The following MPRIP variants were observed in gnomAD, a reference collection of about 807,000 sequenced individuals.
The protein encoded by MPRIP is myosin phosphatase Rho interacting protein, also known as myosin phosphatase Rho-interacting protein.
In MPRIP, 59 loss-of-function variants were observed where a neutral mutation model predicts 234.9. The observed-to-expected ratio is 0.25, with a 90% CI of 0.20 to 0.31. The LOEUF is 0.31. MPRIP is among the 10% of genes least tolerant of loss of function. MPRIP has a pLI of 1.00. For synonymous variants in MPRIP, 1,144 were observed against 1,263.9 expected (o/e 0.91, Z 2.01); for missense variants, 2,436 against 3,071.0 (o/e 0.79, Z 4.89).
At chr17:17,111,590 C>A (rs2090172569) in intron 3 of MPRIP, among the ~76,000 whole-genome samples, 1 of 152,206 alleles carries the variant, frequency 6.6e-6, no homozygotes, top group Admixed American at 6.5e-5. Flanking sequence ...AGAGACCATG[C>A]TGGGGAACAG....
chr17:17,165,011 T>A lies in MPRIP; in HGVS notation c.3420T>A (p.Ala1140=). The A allele has an allele frequency of 7.7e-7, 1 of 1,301,770 alleles. No individual in the cohort carries two copies. The highest frequency in any genetic ancestry group is 1.0e-6 in the Non-Finnish European group (1 of 988,784). 80.6% of individuals were successfully genotyped at this position (1,301,770 alleles called of 1,614,324 possible). A position where few individuals can be genotyped will look rare whatever the true frequency, so the allele number is the denominator to read the frequency against. The change falls in exon 16 of 24, where the codon GCT becomes GCA. Residue 1140 remains alanine, a synonymous_variant. Coordinates refer to ENST00000651222, the MANE Select transcript of MPRIP (RefSeq NM_001364716.4). ...ELREKLRRRE[A]DNQSLEHSYQ... ...GGGAAAAGCTGAGGAGAAGAGAGGC[T>A]GACAACCAGAGCCTGGAGCACTCCT...
At chr17:17,149,697 T>TTTTTTTTAC (rs1449623888) in intron 11 of MPRIP, 15 of 147,318 alleles carry the variant, frequency 1.0e-4, no homozygotes, top group Admixed American at 8.9e-4. Context: ...ACATTTATAT[T>TTTTTTTTAC]AATATATATT....
At chr17:17,176,982 G>A (rs2046268605) in intron 21 of MPRIP, among the ~76,000 whole-genome samples, 1 of 152,206 alleles carries the variant, frequency 6.6e-6, no homozygotes, top group African/African-American at 2.4e-5. Flanking sequence ...GCCACACCAG[G>A]CTGGTCGGGC....
In MPRIP at chr17:17,188,550, A is replaced by G. The variant is rs1319959673; in HGVS notation, c.*3656A>G. 3.9e-5 allele frequency: 6 copies of G among 152,278 alleles called. No homozygotes were observed. Among genetic ancestry groups the G allele is most frequent in the African/African-American group, 1.2e-4 (5 of 41,476 alleles). 9.4% of individuals were successfully genotyped at this position (152,278 alleles called of 1,614,324 possible). ...GGCTGTTTAAAGAACACAGTTGTGA[A>G]TCTCAGAATGTGCCTGAAAGGAATA... On this transcript the variant is annotated 3_prime_UTR_variant, in exon 24 of 24. Coordinates refer to ENST00000651222, the MANE Select transcript of MPRIP (RefSeq NM_001364716.4).
rs767454331 is a variant in MPRIP, at chr17:17,075,719, A to G, written c.133A>G (p.Ile45Val). ...NDEDLTQAKPIYGGWLLLAPD... is the reference protein window; with the variant it reads ...NDEDLTQAKPVYGGWLLLAPD... ...CTTTTTTCTCCTCTAGGCAAAACCCATTTATGGCGGTTGGCTGCTCCTGGC... is the reference window on the plus strand; with the variant it reads ...CTTTTTTCTCCTCTAGGCAAAACCCGTTTATGGCGGTTGGCTGCTCCTGGC... The change falls in exon 2 of 24, where the codon ATT (isoleucine) becomes GTT (valine). Residue 45 changes from isoleucine to valine, a missense_variant. Physicochemically the swap from Ile to Val is conservative, Grantham distance 29 (BLOSUM62 3). Transcript: ENST00000651222. 3 of 1,613,880 alleles carry G rather than the reference A, an allele frequency of 1.9e-6. No homozygotes were observed. The South Asian group carries it at 3.3e-5, about 18-fold the overall frequency.
chr17:17,111,675 G>A (rs1377334335), intron 3 of MPRIP, among the ~76,000 whole-genome samples: 1 of 152,198 alleles, frequency 6.6e-6, no homozygotes, highest in African/African-American at 2.4e-5. Flanking sequence ...TCTTCTGCCT[G>A]TTAAACCGAG....
At chr17:17,073,721 G>A (rs987177603) in intron 1 of MPRIP, among the ~76,000 whole-genome samples, 6 of 152,182 alleles carry the variant, frequency 3.9e-5, no homozygotes, top group African/African-American at 1.4e-4. Flanking sequence ...ACTCCTGGGT[G>A]GGGTGTGGAG....
intron 1 of MPRIP, among the ~76,000 whole-genome samples, chr17:17,055,056 A>G (rs2088652441): frequency 6.6e-6 from 1 of 152,046 alleles, no homozygotes. Context: ...TATCAAAAAA[A>G]AAAAAAAATT....
chr17:17,089,429 C>T (rs1353357962), intron 3 of MPRIP, among the ~76,000 whole-genome samples: 1 of 152,234 alleles, frequency 6.6e-6, no homozygotes, highest in Non-Finnish European at 1.5e-5. Context: ...ACATTTTCCT[C>T]TGCCTCCCTC....
chr17:17,156,842 A>G (rs1187417586), intron 13 of MPRIP, among the ~76,000 whole-genome samples: 1 of 152,192 alleles, frequency 6.6e-6, no homozygotes, highest in African/African-American at 2.4e-5. Flanking sequence ...ACACCTGCAG[A>G]TCCTGTTGCT....
Position 17,111,145 on chromosome 17 carries a change from T to TA in MPRIP, c.268-15546dup, listed in dbSNP as rs373551165. Among the ~76,000 whole-genome samples the TA allele has an allele frequency of 3.2e-3, 303 of 96,162 alleles. 3 individuals carry two copies. The highest frequency in any genetic ancestry group is 0.011 in the African/African-American group (243 of 23,038). The allele number at this position is 96,162 out of a possible 152,430, so 63.1% of individuals were successfully genotyped here. A position where few individuals can be genotyped will look rare whatever the true frequency, so the allele number is the denominator to read the frequency against. On this transcript the variant is annotated intron_variant, in intron 3 of 23. Coordinates refer to ENST00000651222, the MANE Select transcript of MPRIP (RefSeq NM_001364716.4). ...AAATTAAAAGGTTATTTTAAAAGTT[T>TA]AAAAAAAAAAACCAAAAAAAAAAGA...
rs192251360 is a variant in MPRIP, at chr17:17,043,148, G to A, written c.123+177G>A. Among the ~76,000 whole-genome samples, 6 of 152,316 alleles carry A rather than the reference G, an allele frequency of 3.9e-5. No homozygotes were observed. In the East Asian group the frequency reaches 1.2e-3, roughly 29 times the overall value. Reference sequence around the variant, plus strand: ...GAGCTGGGACAAAGGGAAAATCCTCGAGTATGCCGAAAAATAACATCCTTT... The same window carrying A: ...GAGCTGGGACAAAGGGAAAATCCTCAAGTATGCCGAAAAATAACATCCTTT... On this transcript the variant is annotated intron_variant, in intron 1 of 23. Coordinates refer to ENST00000651222, the MANE Select transcript of MPRIP (RefSeq NM_001364716.4).
intron 3 of MPRIP, among the ~76,000 whole-genome samples, chr17:17,116,172 A>G (rs1050031523): frequency 6.6e-6 from 1 of 152,224 alleles, no homozygotes; most frequent in Non-Finnish European, 1.5e-5. Context: ...TGTATAGAGT[A>G]AATACAAGGA....
chr17:17,125,153 A>G (rs1035754131), intron 3 of MPRIP, among the ~76,000 whole-genome samples: 3 of 152,210 alleles, frequency 2.0e-5, no homozygotes, highest in African/African-American at 7.2e-5. Flanking sequence ...GAGTGTCTGG[A>G]AGAGACACCT....
At chr17:17,108,546 G>A (rs2090107162) in intron 3 of MPRIP, among the ~76,000 whole-genome samples, 1 of 152,204 alleles carries the variant, frequency 6.6e-6, no homozygotes, top group Non-Finnish European at 1.5e-5. Flanking sequence ...AATCTTCCCA[G>A]GTGATTACAT....
chr17:17,108,577 C>A lies in MPRIP; in HGVS notation c.268-18125C>A, dbSNP rs78770259. Among the ~76,000 whole-genome samples the A allele has an allele frequency of 1.8e-3, 277 of 152,344 alleles. 1 individual carries two copies. Among genetic ancestry groups the A allele is most frequent in the Non-Finnish European group, 3.4e-3 (234 of 68,044 alleles). On this transcript the variant is annotated intron_variant, in intron 3 of 23. Coordinates refer to ENST00000651222, the MANE Select transcript of MPRIP (RefSeq NM_001364716.4). ...TACATTATTCAGCAAAAGTTTGGAACCATTGCTTTAAGCTCTAAAACCTTC... is the reference window on the plus strand; with the variant it reads ...TACATTATTCAGCAAAAGTTTGGAAACATTGCTTTAAGCTCTAAAACCTTC...
chr17:17,106,816 G>A (rs1165934682), intron 3 of MPRIP, among the ~76,000 whole-genome samples: 2 of 152,170 alleles, frequency 1.3e-5, no homozygotes, highest in Non-Finnish European at 2.9e-5. Flanking sequence ...AGAAGGATAG[G>A]TCTTCAAACA....
intron 13 of MPRIP, among the ~76,000 whole-genome samples, chr17:17,155,229 A>G (rs1377385478): frequency 1.3e-5 from 2 of 150,132 alleles, no homozygotes; most frequent in Non-Finnish European, 1.5e-5. Flanking sequence ...GGGGCTGTCC[A>G]TGGAAGCTTT....
At position 17,164,459 on chromosome 17, in the gene MPRIP, G is replaced by A. The variant is rs895373881; in HGVS notation, c.2868G>A (p.Glu956=). 3.1e-5 allele frequency: 39 copies of A among 1,239,946 alleles called. No individual in the cohort carries two copies. The Admixed American group carries it at 1.0e-3, about 33-fold the overall frequency. 76.8% of individuals were successfully genotyped at this position (1,239,946 alleles called of 1,614,324 possible). ...AALSSQLRAS[E]QKLKSAEALL... ...TGAGCAGCCAGCTGAGGGCTAGCGA[G>A]CAGAAGCTCAAGAGTGCTGAGGCCC... Residue 956 remains glutamate, a synonymous_variant, in exon 16 of 24, where the codon GAG becomes GAA. Transcript: ENST00000651222.
Sources: allele counts gnomAD v4.1 joint callset (sites outside exome capture counted in the v4.1 genomes callset), GRCh38; gene constraint gnomAD v4.1.1; transcripts MANE v1.5; gene names NCBI Gene and HGNC (gene_info 2026-07-23, HGNC 2026-07-21).